Variants in ERBB4 observed in about 807,000 individuals in gnomAD.
ERBB4 encodes erb-b2 receptor tyrosine kinase 4, also known as receptor tyrosine-protein kinase erbB-4.
ERBB4 carries 42 observed loss-of-function variants against 158.0 expected under a neutral mutation model. That is an observed-to-expected ratio of 0.27 (90% CI 0.21 to 0.34). ERBB4 has a LOEUF of 0.34. ERBB4 is among the 10% of genes least tolerant of loss of function. The pLI is 1.00. For missense variants in ERBB4, 1,333 were observed against 1,624.1 expected, an observed-to-expected ratio of 0.82 and a Z score of 3.08; for synonymous variants, 583 against 558.7, an observed-to-expected ratio of 1.04 and a Z score of -0.61.
At chr2:212,408,225 C>G (rs1353748801) in intron 1 of ERBB4, among the ~76,000 whole-genome samples, 2 of 151,998 alleles carry the variant, frequency 1.3e-5, no homozygotes, top group Non-Finnish European at 2.9e-5. Context: ...GCTCTTTTCT[C>G]TAATGCTCTC....
Position 211,432,024 on chromosome 2 carries a change from T to A in ERBB4, c.2488-924A>T, listed in dbSNP as rs543833597. Among the ~76,000 whole-genome samples the A allele has an allele frequency of 2.0e-5, 3 of 152,270 alleles. No homozygotes were observed. In the East Asian group the frequency reaches 5.8e-4, roughly 29 times the overall value. The stretch of plus-strand genomic sequence containing the variant: ...ATTATGTTTAACAAAAGAACTTATG[T>A]AAAACTAAGGAAATAAACCTGAGGC... On this transcript the variant is annotated intron_variant, in intron 20 of 27. Transcript: ENST00000342788.
intron 1 of ERBB4, among the ~76,000 whole-genome samples, chr2:212,381,545 T>C (rs1455084104): frequency 2.6e-5 from 4 of 151,320 alleles, no homozygotes; most frequent in Non-Finnish European, 5.9e-5. Flanking sequence ...TCCAAGCAAT[T>C]GCAGCCTGTC....
At chr2:212,386,133 T>C (rs555902825) in intron 1 of ERBB4, among the ~76,000 whole-genome samples, 3 of 146,818 alleles carry the variant, frequency 2.0e-5, no homozygotes, top group Non-Finnish European at 3.0e-5. Context: ...GCTTTTAAAA[T>C]ACAAAAAAAA....
intron 1 of ERBB4, among the ~76,000 whole-genome samples, chr2:212,451,017 G>C (rs890157299): frequency 6.6e-6 from 1 of 151,874 alleles, no homozygotes; most frequent in Admixed American, 6.6e-5. Flanking sequence ...TGTAGTCCTG[G>C]CTAATTTTTT....
chr2:211,969,077 AC>A (rs1252007890), intron 2 of ERBB4, among the ~76,000 whole-genome samples: 1 of 152,038 alleles, frequency 6.6e-6, no homozygotes, highest in African/African-American at 2.4e-5. Context: ...TTGAATCAAA[AC>A]AGAGATGCAG....
At chr2:211,419,750 A>G (rs2063475673) in intron 25 of ERBB4, among the ~76,000 whole-genome samples, 1 of 152,074 alleles carries the variant, frequency 6.6e-6, no homozygotes, top group Non-Finnish European at 1.5e-5. Flanking sequence ...GTGGTACTCA[A>G]TATATGTTGA....
chr2:212,403,281 G>A (rs944588984), intron 1 of ERBB4, among the ~76,000 whole-genome samples: 5 of 152,048 alleles, frequency 3.3e-5, no homozygotes, highest in African/African-American at 9.6e-5. Flanking sequence ...TTGGATCCTC[G>A]GAAATTTTGG....
At position 212,395,436 on chromosome 2, in the gene ERBB4, C is replaced by T. The variant is rs1396014330; in HGVS notation, c.82+143013G>A. Among the ~76,000 whole-genome samples, 7 of 151,604 alleles carry T rather than the reference C, an allele frequency of 4.6e-5. No individual in the cohort carries two copies. In the East Asian group the frequency reaches 7.7e-4, roughly 17 times the overall value. ...TATAAAAGAAAATAGAGGTGTGTCA[C>T]GTAAAGGATACTGATACTGAATCAT... is the stretch of plus-strand genomic sequence containing the variant. On this transcript the variant is annotated intron_variant, in intron 1 of 27. Coordinates refer to ENST00000342788, the MANE Select transcript of ERBB4 (RefSeq NM_005235.3).
At chr2:212,331,867 A>G (rs1166885143) in intron 1 of ERBB4, among the ~76,000 whole-genome samples, 1 of 152,052 alleles carries the variant, frequency 6.6e-6, no homozygotes, top group Non-Finnish European at 1.5e-5. Flanking sequence ...AGAATCTTAA[A>G]CCAAAGTACA....
intron 4 of ERBB4, among the ~76,000 whole-genome samples, chr2:211,773,628 ATATATAT>A (rs1187776619): frequency 3.8e-5 from 2 of 52,064 alleles, no homozygotes; most frequent in African/African-American, 2.0e-4. Flanking sequence ...ATATATATAT[ATATATAT>A]ATATATATAT....
intron 2 of ERBB4, among the ~76,000 whole-genome samples, chr2:212,056,823 C>T (rs994894943): frequency 6.6e-6 from 1 of 152,170 alleles, no homozygotes; most frequent in African/African-American, 2.4e-5. Context: ...ACTGCAAAAA[C>T]ATGCCAAACT....
At chr2:211,677,838 C>A (rs144709625) in intron 13 of ERBB4, among the ~76,000 whole-genome samples, 2 of 151,830 alleles carry the variant, frequency 1.3e-5, no homozygotes, top group African/African-American at 2.4e-5. Context: ...CGCACCACTG[C>A]GCTCTAGCCA....
At chr2:212,143,066 A>C (rs1409414784) in intron 1 of ERBB4, among the ~76,000 whole-genome samples, 1 of 152,188 alleles carries the variant, frequency 6.6e-6, no homozygotes, top group Non-Finnish European at 1.5e-5. Flanking sequence ...CATGATAAAC[A>C]TAATCCTCAA....
At chr2:211,765,424 C>T (rs529378320) in intron 4 of ERBB4, among the ~76,000 whole-genome samples, 22 of 152,196 alleles carry the variant, frequency 1.4e-4, no homozygotes, top group South Asian at 1.0e-3. Flanking sequence ...AAGTATTCAA[C>T]GTATATTATA....
At chr2:211,676,575 C>A (rs1046065265) in intron 13 of ERBB4, among the ~76,000 whole-genome samples, 6 of 148,636 alleles carry the variant, frequency 4.0e-5, no homozygotes, top group African/African-American at 1.5e-4. Flanking sequence ...AAAAAACAAA[C>A]AAACAAAAAA....
chr2:211,846,032 C>G (rs2077579100), intron 3 of ERBB4, among the ~76,000 whole-genome samples: 1 of 146,784 alleles, frequency 6.8e-6, no homozygotes, highest in Admixed American at 7.1e-5. Flanking sequence ...TTTTTTTCAA[C>G]TACAATACTG....
intron 3 of ERBB4, among the ~76,000 whole-genome samples, chr2:211,808,124 A>C (rs374480997): frequency 6.6e-6 from 1 of 152,058 alleles, no homozygotes; most frequent in African/African-American, 2.4e-5. Flanking sequence ...GAAGCTCTTT[A>C]GTTTAATTAG....
At chr2:212,317,428 A>G (rs2106254576) in intron 1 of ERBB4, among the ~76,000 whole-genome samples, 1 of 151,738 alleles carries the variant, frequency 6.6e-6, no homozygotes, top group East Asian at 2.0e-4. Context: ...GGTTAAAAAC[A>G]AGATTCCAGA....
At chr2:211,849,997 C>G (rs1179773719) in intron 3 of ERBB4, among the ~76,000 whole-genome samples, 18 of 151,966 alleles carry the variant, frequency 1.2e-4, no homozygotes. Context: ...ATTGACCAAA[C>G]TGTTTTCAAG....
Sources: allele counts gnomAD v4.1 joint callset (sites outside exome capture counted in the v4.1 genomes callset), GRCh38; gene constraint gnomAD v4.1.1; transcripts MANE v1.5; gene names NCBI Gene and HGNC (gene_info 2026-07-23, HGNC 2026-07-21).